ARL15: variants seen among roughly 807,000 people sequenced by gnomAD.
The protein encoded by ARL15 is ARF like GTPase 15, also known as ADP-ribosylation factor-like protein 15.
A neutral mutation model predicts 25.2 loss-of-function variants in ARL15; 19 were observed. The observed-to-expected ratio is 0.75, with a 90% confidence interval of 0.53 to 1.10. The LOEUF is 1.10. ARL15 is among the 50% of genes least tolerant of loss of function. The probability of loss-of-function intolerance (pLI) is 0.00; values close to 1 mark genes in which losing one functional copy is unlikely to be tolerated. For missense variants in ARL15, 220 were observed against 246.0 expected (o/e 0.89, Z 0.71); for synonymous variants, 94 against 86.8 (o/e 1.08, Z -0.46).
chr5:53,910,764 A>G (rs533357826), intron 4 of ARL15, among the ~76,000 whole-genome samples: 128 of 150,458 alleles, frequency 8.5e-4, no homozygotes, highest in Admixed American at 2.1e-3. Flanking sequence ...GAGAAAGAAT[A>G]TGTCACAGAT....
chr5:53,998,283 G>GAAA (rs11287179), intron 4 of ARL15, among the ~76,000 whole-genome samples: 2 of 116,556 alleles, frequency 1.7e-5, no homozygotes, highest in African/African-American at 3.1e-5. Context: ...GGGACATCAG[G>GAAA]AAAAAAAAAA....
chr5:54,205,829 G>T (rs749625641), intron 1 of ARL15, among the ~76,000 whole-genome samples: 1 of 152,180 alleles, frequency 6.6e-6, no homozygotes, highest in Non-Finnish European at 1.5e-5. Flanking sequence ...GTTACCTGAT[G>T]ACCGACCAAC....
intron 4 of ARL15, among the ~76,000 whole-genome samples, chr5:54,010,826 C>G (rs370947104): frequency 6.6e-6 from 1 of 151,892 alleles, no homozygotes; most frequent in African/African-American, 2.4e-5. Flanking sequence ...GGTGAAACCC[C>G]GTCTCTACTG....
intron 4 of ARL15, among the ~76,000 whole-genome samples, chr5:54,087,408 T>A (rs987489036): frequency 6.6e-6 from 1 of 152,284 alleles, no homozygotes; most frequent in Admixed American, 6.5e-5. Flanking sequence ...CTGGTTTCTA[T>A]ACTAAGCCAT....
At chr5:54,248,798 T>C (rs1757160441) in intron 1 of ARL15, among the ~76,000 whole-genome samples, 1 of 152,158 alleles carries the variant, frequency 6.6e-6, no homozygotes, top group Admixed American at 6.5e-5. Context: ...TATGTTGAAC[T>C]AATGAGTATT....
chr5:54,012,815 C>G (rs1041869230), intron 4 of ARL15, among the ~76,000 whole-genome samples: 1 of 146,118 alleles, frequency 6.8e-6, no homozygotes, highest in Non-Finnish European at 1.5e-5. Context: ...TGAGCCACCA[C>G]GCTGGACTCT....
At chr5:53,963,504 T>C (rs1350731706) in intron 4 of ARL15, among the ~76,000 whole-genome samples, 1 of 152,122 alleles carries the variant, frequency 6.6e-6, no homozygotes, top group Non-Finnish European at 1.5e-5. Flanking sequence ...GAATATAAAA[T>C]TGACTCTAAA....
At chr5:54,150,564 G>A (rs1754035705) in intron 3 of ARL15, among the ~76,000 whole-genome samples, 1 of 152,110 alleles carries the variant, frequency 6.6e-6, no homozygotes, top group Non-Finnish European at 1.5e-5. Flanking sequence ...ACTTTGGGAG[G>A]CTGAGGGCAG....
At chr5:54,069,717 G>A (rs536132191) in intron 4 of ARL15, among the ~76,000 whole-genome samples, 2 of 151,500 alleles carry the variant, frequency 1.3e-5, no homozygotes, top group South Asian at 4.2e-4. Flanking sequence ...GCGCAATCTC[G>A]GCTCACTGCA....
At chr5:53,993,446 A>C (rs1218879382) in intron 4 of ARL15, among the ~76,000 whole-genome samples, 2 of 152,198 alleles carry the variant, frequency 1.3e-5, no homozygotes, top group Non-Finnish European at 2.9e-5. Context: ...GTCTCTAAAA[A>C]ATAAAGAAGG....
intron 4 of ARL15, among the ~76,000 whole-genome samples, chr5:53,990,330 G>C (rs1748443382): frequency 6.6e-6 from 1 of 152,122 alleles, no homozygotes; most frequent in Non-Finnish European, 1.5e-5. Context: ...TCCTAGAGTA[G>C]ATTTTGTGCA....
At chr5:54,291,631 T>C (rs1758321004) in intron 1 of ARL15, among the ~76,000 whole-genome samples, 1 of 152,100 alleles carries the variant, frequency 6.6e-6, no homozygotes, top group Admixed American at 6.6e-5. Flanking sequence ...GGAAGATATT[T>C]TCTCACACCT....
At chr5:53,944,357 T>A (rs1368442263) in intron 4 of ARL15, among the ~76,000 whole-genome samples, 1 of 152,144 alleles carries the variant, frequency 6.6e-6, no homozygotes, top group Admixed American at 6.5e-5. Flanking sequence ...GCACCTGTAA[T>A]CCCAGCACTT....
chr5:54,176,334 C>T (rs947951562), intron 1 of ARL15, among the ~76,000 whole-genome samples: 1 of 152,204 alleles, frequency 6.6e-6, no homozygotes. Flanking sequence ...CAAGATAAAA[C>T]TTTCAACAGT....
intron 4 of ARL15, among the ~76,000 whole-genome samples, chr5:54,042,809 TG>T (rs1750384151): frequency 6.6e-6 from 1 of 152,090 alleles, no homozygotes; most frequent in Non-Finnish European, 1.5e-5. Context: ...TGTCACCAAG[TG>T]GGGGTGGGGT....
chr5:54,131,594 G>A (rs895112393), intron 3 of ARL15, among the ~76,000 whole-genome samples: 1 of 152,058 alleles, frequency 6.6e-6, no homozygotes, highest in African/African-American at 2.4e-5. Flanking sequence ...TTGTACCATT[G>A]TTACTTATGT....
intron 4 of ARL15, among the ~76,000 whole-genome samples, chr5:54,006,428 ATTT>A (rs397729053): frequency 2.0e-5 from 3 of 148,442 alleles, no homozygotes; most frequent in Non-Finnish European, 4.5e-5. Flanking sequence ...AACAAAAAAG[ATTT>A]TTTTTTTTTA....
At chr5:54,261,795 G>C (rs1046949719) in intron 1 of ARL15, among the ~76,000 whole-genome samples, 1 of 151,928 alleles carries the variant, frequency 6.6e-6, no homozygotes. Flanking sequence ...TTTTCGGGAG[G>C]GTGGGGGTCA....
At chr5:54,132,655 C>A (rs1022804033) in intron 3 of ARL15, among the ~76,000 whole-genome samples, 3 of 151,688 alleles carry the variant, frequency 2.0e-5, no homozygotes, top group African/African-American at 7.3e-5. Flanking sequence ...CTGCTGGTTG[C>A]CATTTTTATG....
Sources: allele counts gnomAD v4.1 joint callset (sites outside exome capture counted in the v4.1 genomes callset), GRCh38; gene constraint gnomAD v4.1.1; transcripts MANE v1.5; gene names NCBI Gene and HGNC (gene_info 2026-07-23, HGNC 2026-07-21).